The following SHROOM3 variants were observed in gnomAD, a reference collection of about 807,000 sequenced individuals.
SHROOM3 encodes protein Shroom3.
Under a neutral mutation model 138.6 loss-of-function variants are expected in SHROOM3, and 47 were observed. The observed-to-expected ratio is 0.34, with a 90% CI of 0.27 to 0.43. The LOEUF is 0.43. Among genes scored for constraint, SHROOM3 ranks in the 20% least tolerant of loss-of-function variants. The probability of loss-of-function intolerance (pLI) is 1.00; values close to 1 mark genes in which losing one functional copy is unlikely to be tolerated. For missense variants in SHROOM3, 2,491 were observed against 2,596.5 expected (o/e 0.96, Z 0.88); for synonymous variants, 1,062 against 1,063.3 (o/e 1.00, Z 0.02).
chr4:76,625,690 T>C (rs529176760), intron 2 of SHROOM3, among the ~76,000 whole-genome samples: 1 of 152,340 alleles, frequency 6.6e-6, no homozygotes, highest in Non-Finnish European at 1.5e-5. Context: ...GAGCATACCA[T>C]ACTTTCTGCC....
chr4:76,533,949 T>C (rs890579489), intron 1 of SHROOM3, among the ~76,000 whole-genome samples: 1 of 152,196 alleles, frequency 6.6e-6, no homozygotes, highest in African/African-American at 2.4e-5. Context: ...TGCAAATATT[T>C]AGCTCTATGA....
At chr4:76,459,606 A>T (rs1297644906) in intron 1 of SHROOM3, among the ~76,000 whole-genome samples, 6 of 152,314 alleles carry the variant, frequency 3.9e-5, no homozygotes, top group Middle Eastern at 6.8e-3. Context: ...GCACAGCCAG[A>T]TATGGCGCCA....
At chr4:76,477,203 G>A (rs190626427) in intron 1 of SHROOM3, among the ~76,000 whole-genome samples, 1 of 151,858 alleles carries the variant, frequency 6.6e-6, no homozygotes, top group Non-Finnish European at 1.5e-5. Flanking sequence ...TTCTGACCTC[G>A]TGATCCACCC....
chr4:76,713,882 T>C (rs1477763150), intron 3 of SHROOM3, among the ~76,000 whole-genome samples: 2 of 152,328 alleles, frequency 1.3e-5, no homozygotes, highest in South Asian at 4.1e-4. Context: ...CCTATGTTAG[T>C]GTACCTCCTA....
intron 2 of SHROOM3, among the ~76,000 whole-genome samples, chr4:76,629,722 A>G (rs777131553): frequency 5.9e-5 from 9 of 152,224 alleles, no homozygotes; most frequent in Non-Finnish European, 1.2e-4. Flanking sequence ...GAAAGAGAGA[A>G]GTCAAGCTTT....
chr4:76,437,130 T>C (rs1730579240), intron 1 of SHROOM3, among the ~76,000 whole-genome samples: 1 of 152,228 alleles, frequency 6.6e-6, no homozygotes, highest in Admixed American at 6.5e-5. Context: ...AAAGGTTATT[T>C]TTCAAATTAC....
At chr4:76,464,448 T>C (rs1204334247) in intron 1 of SHROOM3, among the ~76,000 whole-genome samples, 1 of 152,166 alleles carries the variant, frequency 6.6e-6, no homozygotes, top group Non-Finnish European at 1.5e-5. Flanking sequence ...CAGAAGGGAC[T>C]TCCTAGTCTC....
At chr4:76,518,712 A>G (rs936177927) in intron 1 of SHROOM3, among the ~76,000 whole-genome samples, 2 of 152,244 alleles carry the variant, frequency 1.3e-5, no homozygotes, top group Non-Finnish European at 2.9e-5. Context: ...ATCTGGGGCC[A>G]GGCACCCAAG....
rs1308474715 is a variant in SHROOM3, at chr4:76,759,529, G to A, written c.5199-16G>A. ...CGTGATCTGTGTGGCTATACTTTGT[G>A]CTCTTTTTGGCCCAGGAATGAAGAC... On this transcript the variant is annotated splice_polypyrimidine_tract_variant and intron_variant, in intron 8 of 10. Transcript: ENST00000296043. The A allele has an allele frequency of 6.2e-7, 1 of 1,613,806 alleles. No homozygotes were observed. Among genetic ancestry groups the A allele is most frequent in the African/African-American group, 1.3e-5 (1 of 74,920 alleles).
intron 2 of SHROOM3, among the ~76,000 whole-genome samples, chr4:76,697,978 C>T (rs955017091): frequency 3.3e-5 from 5 of 152,130 alleles, no homozygotes; most frequent in Non-Finnish European, 7.4e-5. Context: ...AGAAAATCAG[C>T]CCATGGAACT....
intron 2 of SHROOM3, among the ~76,000 whole-genome samples, chr4:76,661,540 G>A (rs1335003966): frequency 3.9e-5 from 6 of 152,106 alleles, no homozygotes; most frequent in African/African-American, 1.4e-4. Context: ...GGCAAATATA[G>A]TCCATTTTTA....
At chr4:76,723,402 TCTC>T (rs2110124582) in intron 3 of SHROOM3, among the ~76,000 whole-genome samples, 1 of 152,324 alleles carries the variant, frequency 6.6e-6, no homozygotes, top group South Asian at 2.1e-4. Context: ...TATATATTCT[TCTC>T]CTAGCTCTTT....
At chr4:76,496,231 A>C (rs1731965865) in intron 1 of SHROOM3, among the ~76,000 whole-genome samples, 1 of 152,192 alleles carries the variant, frequency 6.6e-6, no homozygotes, top group African/African-American at 2.4e-5. Flanking sequence ...AGGGCACTGC[A>C]GTGTTAGGGA....
chr4:76,698,612 C>A (rs546849433), intron 2 of SHROOM3, among the ~76,000 whole-genome samples: 17 of 152,240 alleles, frequency 1.1e-4, no homozygotes, highest in African/African-American at 3.9e-4. Context: ...GGGTCTCCTA[C>A]CCCAGAGCCT....
chr4:76,746,781 C>CATT (rs199823641), intron 5 of SHROOM3, among the ~76,000 whole-genome samples: 2,929 of 140,550 alleles, frequency 0.021, 25 homozygotes, highest in Non-Finnish European at 0.026. Context: ...TTTAGATTTA[C>CATT]ATTATTATTA....
intron 3 of SHROOM3, among the ~76,000 whole-genome samples, chr4:76,715,285 G>A (rs1271705036): frequency 6.6e-6 from 1 of 152,152 alleles, no homozygotes; most frequent in Non-Finnish European, 1.5e-5. Context: ...CATTTCCCAG[G>A]TATATATAGG....
rs36036308 is a variant in SHROOM3 at position 76,740,972 on chromosome 4, C to T, written c.2799C>T (p.Ser933=). The T allele has an allele frequency of 0.091, 136,622 of 1,496,954 alleles. 6,941 individuals carry two copies. The highest frequency in any genetic ancestry group is 0.11 in the Non-Finnish European group (119,144 of 1,127,232). 92.7% of individuals were successfully genotyped at this position (1,496,954 alleles called of 1,614,324 possible). A position where few individuals can be genotyped will look rare whatever the true frequency, so the allele number is the denominator to read the frequency against. The change falls in exon 5 of 11, where the codon TCC becomes TCT. Residue 933 remains serine, a synonymous_variant. Transcript: ENST00000296043. This position sits in a 1 kb window ranked among gnomAD's most constrained non-coding sequence, Gnocchi z 4.0. ...GGAACAGCATCAAGGACGCACAGTC[C>T]CGTGTCTTGGGGGCCACCTCCTTTC... ...AYRNSIKDAQ[S]RVLGATSFRR... is the part of the protein sequence containing the mutation.
At chr4:76,479,851 C>A (rs572563545) in intron 1 of SHROOM3, among the ~76,000 whole-genome samples, 1 of 152,254 alleles carries the variant, frequency 6.6e-6, no homozygotes, top group African/African-American at 2.4e-5. Flanking sequence ...GAATTTTCAA[C>A]CCAGAATTTC....
intron 2 of SHROOM3, among the ~76,000 whole-genome samples, chr4:76,610,606 T>C (rs1379931149): frequency 6.6e-6 from 1 of 152,232 alleles, no homozygotes; most frequent in African/African-American, 2.4e-5. Flanking sequence ...CTTGTAGTGA[T>C]TTGATTCTTG....
Sources: gnomAD v4.1 joint callset for allele counts (sites outside exome capture counted in the v4.1 genomes callset) on GRCh38, gnomAD v4.1.1 for gene constraint, Gnocchi (gnomAD v3.1) non-coding constraint, MANE v1.5 for transcripts, NCBI Gene and HGNC (gene_info 2026-07-23, HGNC 2026-07-21) for gene names.